POLA1: variants seen among roughly 807,000 people sequenced by gnomAD.
POLA1 encodes the protein DNA polymerase alpha 1, catalytic subunit.
A neutral mutation model predicts 124.0 loss-of-function variants in POLA1; 15 were observed. The ratio of observed to expected loss-of-function variants is 0.12; its 90% CI spans 0.08 to 0.19. POLA1 has a LOEUF of 0.19. POLA1 is among the 10% of genes least tolerant of loss of function. The probability of loss-of-function intolerance (pLI) is 1.00; values close to 1 mark genes in which losing one functional copy is unlikely to be tolerated. For missense variants in POLA1, 886 were observed against 1,103.4 expected, an observed-to-expected ratio of 0.80 and a Z score of 2.79; for synonymous variants, 408 against 389.4, an observed-to-expected ratio of 1.05 and a Z score of -0.56.
chrX:24,803,025 AAGAT>A (rs1277171898), intron 26 of POLA1, among the ~76,000 whole-genome samples: 1 of 111,474 alleles, frequency 9.0e-6, no homozygotes, highest in Admixed American at 9.5e-5. Flanking sequence ...AATAAAATAA[AAGAT>A]AGAAAGGAAA....
intron 36 of POLA1, among the ~76,000 whole-genome samples, chrX:24,968,430 T>C (rs950545478): frequency 7.1e-5 from 8 of 111,919 alleles, no homozygotes; most frequent in Non-Finnish European, 1.5e-4. Context: ...CCGGGCGCAG[T>C]GGCTCACTCC....
At chrX:24,881,198 T>A (rs947859856) in intron 34 of POLA1, among the ~76,000 whole-genome samples, 1 of 112,078 alleles carries the variant, frequency 8.9e-6, no homozygotes, top group East Asian at 2.8e-4. Context: ...CCACCTAATC[T>A]TACTGTTTAT....
chrX:24,706,506 TTA>T (rs2148320461), intron 4 of POLA1, among the ~76,000 whole-genome samples: 1 of 112,001 alleles, frequency 8.9e-6, no homozygotes, highest in East Asian at 2.8e-4. Context: ...AACAAGGAAA[TTA>T]TATATGTCAT....
At chrX:24,859,692 C>T (rs1301562030) in intron 34 of POLA1, among the ~76,000 whole-genome samples, 4 of 112,595 alleles carry the variant, frequency 3.6e-5, no homozygotes, top group Non-Finnish European at 7.5e-5. Flanking sequence ...CGTTTAGCTT[C>T]ATGTCACCTG....
chrX:24,994,216 C>G (rs770712132), intron 36 of POLA1, among the ~76,000 whole-genome samples: 1 of 112,574 alleles, frequency 8.9e-6, no homozygotes. Flanking sequence ...TTGCAGCCCC[C>G]CTCTCTTTTT....
intron 36 of POLA1, among the ~76,000 whole-genome samples, chrX:24,969,143 G>A (rs898895702): frequency 9.1e-6 from 1 of 109,992 alleles, no homozygotes; most frequent in Non-Finnish European, 1.9e-5. Flanking sequence ...GGGAGGCGGA[G>A]GTTGCAGTGA....
At chrX:24,710,899 C>T (rs1046777135) in intron 4 of POLA1, among the ~76,000 whole-genome samples, 4 of 110,953 alleles carry the variant, frequency 3.6e-5, no homozygotes, top group Non-Finnish European at 7.6e-5. Context: ...CTCCTGACCT[C>T]GTGATCTGCC....
intron 36 of POLA1, among the ~76,000 whole-genome samples, chrX:24,958,541 T>C (rs2048133322): frequency 8.9e-6 from 1 of 112,708 alleles, no homozygotes. Context: ...TGAAAAATTG[T>C]ACGTCCTTTG....
intron 19 of POLA1, among the ~76,000 whole-genome samples, chrX:24,739,105 C>A (rs992445502): frequency 9.0e-6 from 1 of 111,457 alleles, no homozygotes; most frequent in African/African-American, 3.3e-5. Flanking sequence ...CACTTGTTAC[C>A]TCCTAAAACT....
chrX:24,979,377 C>T (rs1210464379), intron 36 of POLA1, among the ~76,000 whole-genome samples: 1 of 112,023 alleles, frequency 8.9e-6, no homozygotes, highest in Non-Finnish European at 1.9e-5. Context: ...TTCTTTTCTG[C>T]ATCACTGAGA....
At chrX:24,769,171 C>T (rs959834759) in intron 26 of POLA1, among the ~76,000 whole-genome samples, 10 of 108,931 alleles carry the variant, frequency 9.2e-5, no homozygotes, top group South Asian at 4.0e-4. Flanking sequence ...CTTTTGGACC[C>T]GTTCATAATC....
intron 36 of POLA1, among the ~76,000 whole-genome samples, chrX:24,976,275 A>C (rs1270836080): frequency 1.8e-5 from 2 of 112,101 alleles, no homozygotes; most frequent in Non-Finnish European, 3.8e-5. Context: ...ACAGCCCCAA[A>C]GCAAGCTCAA....
At chrX:24,814,487 A>T (rs114485018) in intron 29 of POLA1, among the ~76,000 whole-genome samples, 60 of 112,076 alleles carry the variant, frequency 5.4e-4, no homozygotes, top group African/African-American at 1.9e-3. Context: ...TTTGTTTTTT[A>T]AAAAAATTTA....
intron 35 of POLA1, among the ~76,000 whole-genome samples, chrX:24,912,301 G>C (rs2047459886): frequency 8.9e-6 from 1 of 111,900 alleles, no homozygotes; most frequent in African/African-American, 3.2e-5. Context: ...CATGACCTAG[G>C]GTTAGGCAAA....
chrX:24,801,109 T>G (rs2045696980), intron 26 of POLA1, among the ~76,000 whole-genome samples: 1 of 112,406 alleles, frequency 8.9e-6, no homozygotes. Context: ...TAGTCAAGTT[T>G]ATAATTAATG....
At chrX:24,912,856 A>AT (rs1012507478) in intron 35 of POLA1, among the ~76,000 whole-genome samples, 2 of 112,496 alleles carry the variant, frequency 1.8e-5, no homozygotes, top group African/African-American at 6.5e-5. Flanking sequence ...AATACTGACA[A>AT]TACCAAAAGC....
rs772342175 is a variant in POLA1, at chrX:24,980,658, TG to T, written c.4262-15146del. Reference sequence around the variant, plus strand: ...CATCACTGTCATTCTGTTTTTCTTTTGTATGTGGCTTTTTTTTTTTCATCTT... The same window carrying T: ...CATCACTGTCATTCTGTTTTTCTTTTTATGTGGCTTTTTTTTTTTCATCTT... On this transcript the variant is annotated intron_variant, in intron 36 of 36. Transcript: ENST00000379068. 8.1e-5 allele frequency among the ~76,000 whole-genome samples: 9 copies of T among 110,932 alleles called. 1 individual carries two copies. In the South Asian group the frequency reaches 3.5e-3, roughly 43 times the overall value.
At chrX:24,806,683 T>A (rs759740139) in intron 26 of POLA1, among the ~76,000 whole-genome samples, 6 of 111,819 alleles carry the variant, frequency 5.4e-5, no homozygotes, top group Non-Finnish European at 1.1e-4. Context: ...TATATTTATT[T>A]TAAAAATTTG....
At chrX:24,912,186 T>G (rs984801233) in intron 35 of POLA1, among the ~76,000 whole-genome samples, 3 of 112,414 alleles carry the variant, frequency 2.7e-5, no homozygotes, top group Admixed American at 9.4e-5. Context: ...AAAATGAACC[T>G]TGACCTAAAG....
Sources: gnomAD v4.1 joint callset for allele counts (sites outside exome capture counted in the v4.1 genomes callset) on GRCh38, gnomAD v4.1.1 for gene constraint, MANE v1.5 for transcripts, NCBI Gene and HGNC (gene_info 2026-07-23, HGNC 2026-07-21) for gene names.